Variants in CLEC16A observed in about 807,000 individuals in gnomAD.
CLEC16A encodes the protein C-type lectin domain containing 16A, also known as protein CLEC16A.
A neutral mutation model predicts 109.5 loss-of-function variants in CLEC16A; 51 were observed. The ratio of observed to expected loss-of-function variants is 0.47; its 90% CI spans 0.37 to 0.59. CLEC16A has a LOEUF of 0.59. Among genes scored for constraint, CLEC16A ranks in the 20% least tolerant of loss-of-function variants. The pLI is 0.00. For missense variants in CLEC16A, 1,339 were observed against 1,394.0 expected, an observed-to-expected ratio of 0.96 and a Z score of 0.63; for synonymous variants, 673 against 564.2, an observed-to-expected ratio of 1.19 and a Z score of -2.73.
At position 11,174,342 on chromosome 16, in the gene CLEC16A, G is replaced by T; in HGVS notation, c.2807-3993G>T. 2 of 415,262 alleles carry T rather than the reference G, an allele frequency of 4.8e-6. No individual in the cohort carries two copies. Among genetic ancestry groups the T allele is most frequent in the Non-Finnish European group, 1.0e-5 (2 of 199,144 alleles). The allele number at this position is 415,262 out of a possible 1,614,324, so 25.7% of individuals were successfully genotyped here. A position where few individuals can be genotyped will look rare whatever the true frequency, so the allele number is the denominator to read the frequency against. ...CTCGCCACGCTGCATTTCCACAGTC[G>T]GCAGGGTCCGCGCTGGCAAGGTGGG... On this transcript the variant is annotated intron_variant, in intron 23 of 23. Transcript: ENST00000409790. The surrounding 1 kb of genome is among the most constrained non-coding windows in gnomAD (Gnocchi z 4.7).
chr16:11,011,181 C>G (rs9932895), intron 11 of CLEC16A, among the ~76,000 whole-genome samples: 16,455 of 152,198 alleles, frequency 0.11, 914 homozygotes, highest in African/African-American at 0.13. Flanking sequence ...GTTAAAATTC[C>G]CCCTTAGATT....
chr16:11,047,240 T>A (rs749841489), intron 16 of CLEC16A, 52 bp from the exon 17 acceptor site: 1 of 1,506,374 alleles, frequency 6.6e-7, no homozygotes, highest in Non-Finnish European at 9.1e-7. Context: ...CTCTGTTGTT[T>A]ATGGAAAAAA....
chr16:11,150,569 T>C (rs1345888562), intron 22 of CLEC16A, among the ~76,000 whole-genome samples: 2 of 152,228 alleles, frequency 1.3e-5, no homozygotes, highest in African/African-American at 2.4e-5. Context: ...CACAAGGTTT[T>C]GTTTTCACAA....
rs763098851 is a variant in CLEC16A at position 11,003,342 on chromosome 16, C to CGCCA, written c.1303+45_1303+48dup. On this transcript the variant is annotated intron_variant, in intron 11 of 23. Coordinates refer to ENST00000409790, the MANE Select transcript of CLEC16A (RefSeq NM_015226.3). ...CATGAACGCCGCCCTGTGCCTGCGCCGCCAGCCAGCCCGCCAGCGAGGCTG... is the reference window on the plus strand; with the variant it reads ...CATGAACGCCGCCCTGTGCCTGCGCCGCCAGCCAGCCAGCCCGCCAGCGAGGCTG... The CGCCA allele has an allele frequency of 3.7e-5, 58 of 1,562,160 alleles. No homozygotes were observed. In the African/African-American group the frequency reaches 7.3e-4, roughly 20 times the overall value.
chr16:11,049,152 C>T (rs1037401561), intron 17 of CLEC16A, among the ~76,000 whole-genome samples: 14 of 152,050 alleles, frequency 9.2e-5, no homozygotes, highest in African/African-American at 1.7e-4. Context: ...GGATTACAGG[C>T]GCCCACTACT....
intron 19 of CLEC16A, among the ~76,000 whole-genome samples, chr16:11,101,781 A>G (rs2152985531): frequency 6.6e-6 from 1 of 152,082 alleles, no homozygotes; most frequent in Admixed American, 6.6e-5. Context: ...GTTCGTGTAC[A>G]AGTTCATTTT....
chr16:11,173,005 G>C (rs918466142), intron 23 of CLEC16A, among the ~76,000 whole-genome samples: 2 of 152,120 alleles, frequency 1.3e-5, no homozygotes, highest in African/African-American at 4.8e-5. Context: ...CCAGTGCAGG[G>C]AGCTTCCCCG....
At chr16:11,071,851 C>T (rs2049092471) in intron 19 of CLEC16A, among the ~76,000 whole-genome samples, 1 of 149,588 alleles carries the variant, frequency 6.7e-6, no homozygotes. Context: ...CTTCAGCCTC[C>T]TAAGTAGCTG....
At position 10,982,857 on chromosome 16, in the gene CLEC16A, C is replaced by T. The variant is rs117173539; in HGVS notation, c.958-21C>T. On this transcript the variant is annotated intron_variant, in intron 9 of 23. Transcript: ENST00000409790. The stretch of plus-strand genomic sequence containing the variant: ...ATACCGCACACTTTCATGCAAATCC[C>T]GTTTCTTTTTTTTCCGCCAGGTCTT... 1.2e-5 allele frequency: 17 copies of T among 1,396,082 alleles called. No homozygotes were observed. The East Asian group carries it at 1.8e-4, about 15-fold the overall frequency. 86.5% of individuals were successfully genotyped at this position (1,396,082 alleles called of 1,614,324 possible). A position where few individuals can be genotyped will look rare whatever the true frequency, so the allele number is the denominator to read the frequency against.
rs1223149282 is a variant in CLEC16A at position 11,121,539 on chromosome 16, G to A, written c.2268+773G>A. 1.3e-5 allele frequency among the ~76,000 whole-genome samples: 2 copies of A among 152,074 alleles called. 1 individual carries two copies. Reference sequence around the variant, plus strand: ...GCTCTAACTTGCCAAGTACCAAGCTGGGGCTTGGGTTTTGGGGATTTTTTG... The same window carrying A: ...GCTCTAACTTGCCAAGTACCAAGCTAGGGCTTGGGTTTTGGGGATTTTTTG... On this transcript the variant is annotated intron_variant, in intron 20 of 23. Coordinates refer to ENST00000409790, the MANE Select transcript of CLEC16A (RefSeq NM_015226.3).
chr16:11,022,925 G>A lies in CLEC16A; in HGVS notation c.1437-1896G>A, dbSNP rs1028577358. Among the ~76,000 whole-genome samples, 8 of 137,514 alleles carry A rather than the reference G, an allele frequency of 5.8e-5. No homozygotes were observed. The South Asian group carries it at 7.0e-4, about 12-fold the overall frequency. 90.2% of individuals were successfully genotyped at this position (137,514 alleles called of 152,430 possible). On this transcript the variant is annotated intron_variant, in intron 12 of 23. Transcript: ENST00000409790. ...AAAATATATATATATATATATATAT[G>A]TATATATAGGCCTAAGAAACTTAAA...
chr16:11,071,822 C>G (rs2049091257), intron 19 of CLEC16A, among the ~76,000 whole-genome samples: 1 of 149,008 alleles, frequency 6.7e-6, no homozygotes, highest in African/African-American at 2.5e-5. Flanking sequence ...TCTTGAACCC[C>G]TGGGCTCAAG....
chr16:11,156,616 T>C, intron 22 of CLEC16A: 2 of 1,304,272 alleles, frequency 1.5e-6, no homozygotes, highest in South Asian at 2.5e-5. Context: ...AGATGGCCGC[T>C]CCCAAGCTTG....
At chr16:11,090,126 C>T (rs967154222) in intron 19 of CLEC16A, among the ~76,000 whole-genome samples, 1 of 152,138 alleles carries the variant, frequency 6.6e-6, no homozygotes, top group African/African-American at 2.4e-5. Context: ...TAGAATCATG[C>T]GTCCCCTGCA....
chr16:11,146,573 G>A (rs1374748331), intron 22 of CLEC16A, among the ~76,000 whole-genome samples: 1 of 151,814 alleles, frequency 6.6e-6, no homozygotes, highest in African/African-American at 2.4e-5. Context: ...GAGGGAGAGG[G>A]GATGGATGGA....
At chr16:11,015,158 T>G (rs1348898911) in intron 11 of CLEC16A, among the ~76,000 whole-genome samples, 4 of 152,210 alleles carry the variant, frequency 2.6e-5, no homozygotes, top group Admixed American at 2.6e-4. Context: ...GAAGATCTGA[T>G]CCGCATTCAT....
intron 19 of CLEC16A, among the ~76,000 whole-genome samples, chr16:11,115,008 G>T (rs1356977359): frequency 6.6e-6 from 1 of 152,202 alleles, no homozygotes. Context: ...TCTGAAAGCT[G>T]TTCCGTTCTG....
In CLEC16A at chr16:10,944,569, TG is replaced by T; in HGVS notation, c.-146del. 1.3e-6 allele frequency: 1 copy of T among 749,472 alleles called. No homozygotes were observed. The highest frequency in any genetic ancestry group is 2.2e-6 in the Non-Finnish European group (1 of 464,684). 46.4% of individuals were successfully genotyped at this position (749,472 alleles called of 1,614,324 possible). On this transcript the variant is annotated 5_prime_UTR_variant, in exon 1 of 24. Transcript: ENST00000409790. ...GCCGGTTCCGGCTGAATGTCAGTGC[TG>T]GGCTGTGGGCCGGGGAGGAAGGCGG... is the stretch of plus-strand genomic sequence containing the variant.
At chr16:11,139,216 G>A (rs997078224) in intron 22 of CLEC16A, among the ~76,000 whole-genome samples, 5 of 152,108 alleles carry the variant, frequency 3.3e-5, no homozygotes, top group Non-Finnish European at 5.9e-5. Flanking sequence ...CTCCGGGGTG[G>A]CCCACTCATA....
Sources: allele counts gnomAD v4.1 joint callset (sites outside exome capture counted in the v4.1 genomes callset), GRCh38; gene constraint gnomAD v4.1.1; non-coding constraint Gnocchi (gnomAD v3.1); transcripts MANE v1.5; gene names NCBI Gene and HGNC (gene_info 2026-07-23, HGNC 2026-07-21).